Variants in FAM219A observed in about 807,000 individuals in gnomAD.
The protein encoded by FAM219A is protein FAM219A.
Under a neutral mutation model 23.4 loss-of-function variants are expected in FAM219A, and 7 were observed. The observed-to-expected ratio is 0.30, with a 90% CI of 0.17 to 0.56. The LOEUF is 0.56. Ranked by LOEUF, FAM219A falls within the 20% of genes least tolerant of loss-of-function variation. FAM219A has a pLI of 0.92. For missense variants in FAM219A, 166 were observed against 246.9 expected, an observed-to-expected ratio of 0.67 and a Z score of 2.20; for synonymous variants, 93 against 99.0, an observed-to-expected ratio of 0.94 and a Z score of 0.36.
chr9:34,441,718 G>A (rs1434347665), intron 1 of FAM219A, among the ~76,000 whole-genome samples: 4 of 152,114 alleles, frequency 2.6e-5, no homozygotes, highest in Non-Finnish European at 5.9e-5. Context: ...GTGAAAGGCT[G>A]AAGGGGGCTT....
intron 1 of FAM219A, among the ~76,000 whole-genome samples, chr9:34,409,034 T>C (rs1821739107): frequency 6.6e-6 from 1 of 152,244 alleles, no homozygotes; most frequent in South Asian, 2.1e-4. Context: ...CATGTGGTCC[T>C]TGAGGCCTAC....
At chr9:34,439,269 A>G (rs1315283388) in intron 1 of FAM219A, among the ~76,000 whole-genome samples, 1 of 152,246 alleles carries the variant, frequency 6.6e-6, no homozygotes, top group Admixed American at 6.5e-5. Context: ...ACACACTTCT[A>G]AACAGTAGGA....
At chr9:34,451,937 C>A (rs920747214) in intron 1 of FAM219A, among the ~76,000 whole-genome samples, 1 of 152,146 alleles carries the variant, frequency 6.6e-6, no homozygotes. Flanking sequence ...TATATACATT[C>A]CAGAAGGAAT....
intron 1 of FAM219A, among the ~76,000 whole-genome samples, chr9:34,422,525 G>A (rs1390085256): frequency 2.0e-5 from 3 of 152,152 alleles, no homozygotes; most frequent in Non-Finnish European, 4.4e-5. Context: ...TGGAAGGCTG[G>A]TACCTAGTTC....
chr9:34,402,170 A>T (rs567239203), intron 4 of FAM219A: 2 of 1,478,854 alleles, frequency 1.4e-6, no homozygotes, highest in East Asian at 5.0e-5. Context: ...GGATGACAGC[A>T]GACAACGCAG....
At chr9:34,441,264 C>T in intron 1 of FAM219A, among the ~76,000 whole-genome samples, 1 of 152,170 alleles carries the variant, frequency 6.6e-6, no homozygotes. Context: ...AAAAATAAAC[C>T]CAGCCCTTGC....
chr9:34,406,061 C>T, intron 1 of FAM219A, 97 bp from the exon 2 acceptor site: 1 of 1,237,228 alleles, frequency 8.1e-7, no homozygotes, highest in Non-Finnish European at 1.1e-6. Flanking sequence ...GCCCTCTGGG[C>T]TTCTGTGAGC....
intron 1 of FAM219A, among the ~76,000 whole-genome samples, chr9:34,428,361 C>A (rs968096963): frequency 3.3e-5 from 5 of 152,214 alleles, no homozygotes; most frequent in Non-Finnish European, 2.9e-5. Context: ...TACCTGTGAA[C>A]TGCACTGACT....
chr9:34,401,145 T>A, intron 5 of FAM219A, 23 bp from the exon 6 acceptor site: 1 of 1,610,014 alleles, frequency 6.2e-7, no homozygotes, highest in Non-Finnish European at 8.5e-7. Context: ...GGGAGGGAGG[T>A]CAGGCCCGAG....
At chr9:34,419,624 T>G (rs1346795986) in intron 1 of FAM219A, among the ~76,000 whole-genome samples, 1 of 152,126 alleles carries the variant, frequency 6.6e-6, no homozygotes, top group African/African-American at 2.4e-5. Flanking sequence ...GCAGGAGAAA[T>G]GCCAGCAGAC....
chr9:34,419,753 T>G (rs1379010603), intron 1 of FAM219A, among the ~76,000 whole-genome samples: 2 of 152,230 alleles, frequency 1.3e-5, no homozygotes, highest in Non-Finnish European at 2.9e-5. Flanking sequence ...TGGCCTGCAC[T>G]GGTTCATAAA....
Position 34,401,737 on chromosome 9 carries a change from G to T in FAM219A, c.345-17C>A, listed in dbSNP as rs561080470. ...TCATCATCGCTGGCCATGGAGGAAA[G>T]AGAGGGAAAGTGATACCAAGAAATT... On this transcript the variant is annotated splice_polypyrimidine_tract_variant and intron_variant, in intron 4 of 5. Coordinates refer to ENST00000651358, the MANE Select transcript of FAM219A (RefSeq NM_001184940.2). 21 of 1,603,994 alleles carry T rather than the reference G, an allele frequency of 1.3e-5. 1 individual carries two copies. In the South Asian group the frequency reaches 2.3e-4, roughly 17 times the overall value.
At chr9:34,448,999 A>AG (rs1823467500) in intron 1 of FAM219A, among the ~76,000 whole-genome samples, 1 of 145,162 alleles carries the variant, frequency 6.9e-6, no homozygotes, top group African/African-American at 2.6e-5. Context: ...TATCGGAAAA[A>AG]AAAAAAAAAC....
At chr9:34,446,575 C>T (rs1315122776) in intron 1 of FAM219A, among the ~76,000 whole-genome samples, 1 of 152,230 alleles carries the variant, frequency 6.6e-6, no homozygotes, top group Non-Finnish European at 1.5e-5. Context: ...AGTTTAAGAA[C>T]TGATACCATA....
intron 1 of FAM219A, among the ~76,000 whole-genome samples, chr9:34,428,976 A>C (rs1204918264): frequency 6.6e-6 from 1 of 152,198 alleles, no homozygotes; most frequent in Non-Finnish European, 1.5e-5. Context: ...TAAATTCATT[A>C]CTACATTGTC....
At chr9:34,456,941 T>C (rs1199699596) in intron 1 of FAM219A, among the ~76,000 whole-genome samples, 2 of 152,196 alleles carry the variant, frequency 1.3e-5, no homozygotes, top group African/African-American at 4.8e-5. Context: ...GAGGCCCATC[T>C]TGGCTGCTGT....
intron 1 of FAM219A, among the ~76,000 whole-genome samples, chr9:34,415,789 A>G: frequency 6.6e-6 from 1 of 152,176 alleles, no homozygotes; most frequent in Non-Finnish European, 1.5e-5. Context: ...ATGGAGATGT[A>G]AAGTTCAAGA....
At chr9:34,412,317 G>A (rs1821851911) in intron 1 of FAM219A, among the ~76,000 whole-genome samples, 2 of 152,196 alleles carry the variant, frequency 1.3e-5, no homozygotes, top group African/African-American at 4.8e-5. Context: ...GATATAAAAT[G>A]TAAAACAAAG....
At chr9:34,401,383 C>G (rs1229687321) in intron 5 of FAM219A, among the ~76,000 whole-genome samples, 1 of 152,212 alleles carries the variant, frequency 6.6e-6, no homozygotes, top group Admixed American at 6.5e-5. Flanking sequence ...GGGTTTTGCC[C>G]CTATCTCAGG....
Sources: allele counts gnomAD v4.1 joint callset (sites outside exome capture counted in the v4.1 genomes callset), GRCh38; gene constraint gnomAD v4.1.1; transcripts MANE v1.5; gene names NCBI Gene and HGNC (gene_info 2026-07-23, HGNC 2026-07-21).